CTNNA3: variants seen among roughly 807,000 people sequenced by gnomAD.
CTNNA3 encodes the protein catenin alpha 3.
CTNNA3 carries 76 observed loss-of-function variants against 95.7 expected under a neutral mutation model. That is an observed-to-expected ratio of 0.79 (90% CI 0.66 to 0.96). CTNNA3 has a LOEUF of 0.96. Among genes scored for constraint, CTNNA3 ranks in the 40% least tolerant of loss-of-function variants. The pLI, the probability that CTNNA3 is intolerant of heterozygous loss-of-function variation, is 0.00. For synonymous variants in CTNNA3, 431 were observed against 374.4 expected, an observed-to-expected ratio of 1.15 and a Z score of -1.74; for missense variants, 1,191 against 1,089.8, an observed-to-expected ratio of 1.09 and a Z score of -1.31.
intron 13 of CTNNA3, among the ~76,000 whole-genome samples, chr10:66,221,767 G>A (rs1394940381): frequency 6.6e-6 from 1 of 152,196 alleles, no homozygotes; most frequent in African/African-American, 2.4e-5. Context: ...TATTTTGAAT[G>A]TATTAACAAG....
At chr10:66,525,679 T>A (rs1841231171) in intron 10 of CTNNA3, among the ~76,000 whole-genome samples, 1 of 152,070 alleles carries the variant, frequency 6.6e-6, no homozygotes, top group African/African-American at 2.4e-5. Flanking sequence ...ATATATAAAA[T>A]TCGCTAAGTT....
chr10:67,305,048 G>A (rs755679552), intron 5 of CTNNA3, among the ~76,000 whole-genome samples: 5 of 152,106 alleles, frequency 3.3e-5, no homozygotes, highest in African/African-American at 9.7e-5. Flanking sequence ...AGGCCGAGGT[G>A]GGCGGATCAC....
At chr10:66,117,101 G>C (rs1235938367) in intron 13 of CTNNA3, among the ~76,000 whole-genome samples, 1 of 152,156 alleles carries the variant, frequency 6.6e-6, no homozygotes, top group Non-Finnish European at 1.5e-5. Context: ...GGTTATTTGA[G>C]AGTTGGTGGG....
chr10:66,157,053 T>A (rs145772611), intron 13 of CTNNA3, among the ~76,000 whole-genome samples: 58 of 151,990 alleles, frequency 3.8e-4, no homozygotes, highest in African/African-American at 1.4e-3. Flanking sequence ...TTTTTTAAAA[T>A]TTTTCCATAA....
At chr10:66,317,312 C>T (rs1681278989) in intron 12 of CTNNA3, among the ~76,000 whole-genome samples, 1 of 151,934 alleles carries the variant, frequency 6.6e-6, no homozygotes, top group African/African-American at 2.4e-5. Context: ...TCAAGTTTTG[C>T]CATTTCTACA....
At chr10:66,360,597 T>C (rs184508885) in intron 12 of CTNNA3, among the ~76,000 whole-genome samples, 51 of 36,928 alleles carry the variant, frequency 1.4e-3, no homozygotes, top group African/African-American at 2.8e-3. Context: ...TATTCTTTCC[T>C]TCTTTCTTTC....
chr10:65,970,415 T>A (rs1406304534), intron 16 of CTNNA3, among the ~76,000 whole-genome samples: 1 of 151,924 alleles, frequency 6.6e-6, no homozygotes, highest in Non-Finnish European at 1.5e-5. Context: ...GATCAAAATC[T>A]TGCATATTAA....
intron 7 of CTNNA3, among the ~76,000 whole-genome samples, chr10:67,060,282 T>C (rs997980346): frequency 2.6e-5 from 4 of 152,084 alleles, no homozygotes; most frequent in Non-Finnish European, 4.4e-5. Flanking sequence ...TGTGCCACTA[T>C]ACTCCAGCCT....
Position 66,360,832 on chromosome 10 carries a change from T to C in CTNNA3, c.1732+18320A>G, listed in dbSNP as rs867187275. 9.9e-3 allele frequency among the ~76,000 whole-genome samples: 955 copies of C among 96,366 alleles called. 68 individuals carry two copies. Among genetic ancestry groups the C allele is most frequent in the African/African-American group, 0.037 (892 of 24,208 alleles). The allele number at this position is 96,366 out of a possible 152,430, so 63.2% of individuals were successfully genotyped here. ...TCCTTCCTTCCTTTCTTTCTTTCTT[T>C]CTTTCTTTCTTTCTTTCTTTCTTTC... On this transcript the variant is annotated intron_variant, in intron 12 of 17. Coordinates refer to ENST00000433211, the MANE Select transcript of CTNNA3 (RefSeq NM_013266.4).
intron 5 of CTNNA3, among the ~76,000 whole-genome samples, chr10:67,336,985 A>AT (rs1292853250): frequency 6.6e-6 from 1 of 152,176 alleles, no homozygotes; most frequent in Non-Finnish European, 1.5e-5. Context: ...AAATAAATGG[A>AT]TTTTTCATGC....
chr10:67,726,624 T>C (rs1589582359), intron 1 of CTNNA3, among the ~76,000 whole-genome samples: 1 of 6,100 alleles, frequency 1.6e-4, no homozygotes, highest in Non-Finnish European at 2.9e-4. Flanking sequence ...ATATAATATA[T>C]ATTATATTAT....
chr10:66,432,464 C>T (rs756267059), intron 11 of CTNNA3, among the ~76,000 whole-genome samples: 2 of 152,072 alleles, frequency 1.3e-5, no homozygotes, highest in African/African-American at 2.4e-5. Flanking sequence ...CAATACCATC[C>T]TGGCTAACAC....
intron 7 of CTNNA3, among the ~76,000 whole-genome samples, chr10:66,911,482 G>A (rs1290037550): frequency 1.3e-5 from 2 of 152,132 alleles, no homozygotes; most frequent in Non-Finnish European, 2.9e-5. Context: ...AAATCTATAT[G>A]AGGTTAGGAA....
At chr10:66,192,373 T>C (rs932241996) in intron 13 of CTNNA3, among the ~76,000 whole-genome samples, 13 of 152,170 alleles carry the variant, frequency 8.5e-5, no homozygotes, top group African/African-American at 2.4e-4. Context: ...TCAGCAAATA[T>C]TTGAGTGCTA....
chr10:67,697,868 T>C (rs1367649331), upstream of CTNNA3, among the ~76,000 whole-genome samples: 2 of 152,218 alleles, frequency 1.3e-5, no homozygotes, highest in Admixed American at 6.5e-5. Flanking sequence ...GTTGGATTTG[T>C]TGATCACAGG....
At chr10:66,876,055 A>G (rs966148411) in intron 7 of CTNNA3, among the ~76,000 whole-genome samples, 1 of 152,184 alleles carries the variant, frequency 6.6e-6, no homozygotes, top group African/African-American at 2.4e-5. Context: ...AGGGAGTGAT[A>G]TTACTAAGCA....
At chr10:66,377,126 A>G (rs1039105230) in intron 12 of CTNNA3, among the ~76,000 whole-genome samples, 1 of 152,156 alleles carries the variant, frequency 6.6e-6, no homozygotes, top group African/African-American at 2.4e-5. Context: ...GGAATTAGAC[A>G]TAAACAAAAA....
intron 13 of CTNNA3, among the ~76,000 whole-genome samples, chr10:66,197,300 G>T (rs529279171): frequency 2.6e-5 from 4 of 152,040 alleles, no homozygotes; most frequent in Non-Finnish European, 5.9e-5. Flanking sequence ...AAACTCTGAT[G>T]TATAAAACAA....
At chr10:67,262,378 G>A (rs1476867433) in intron 5 of CTNNA3, among the ~76,000 whole-genome samples, 2 of 152,126 alleles carry the variant, frequency 1.3e-5, no homozygotes, top group African/African-American at 4.8e-5. Flanking sequence ...CCACGCAAGA[G>A]GATAAACTGG....
Sources: allele counts gnomAD v4.1 joint callset (sites outside exome capture counted in the v4.1 genomes callset), GRCh38; gene constraint gnomAD v4.1.1; transcripts MANE v1.5; gene names NCBI Gene and HGNC (gene_info 2026-07-23, HGNC 2026-07-21).